The following HIP1 variants were observed in gnomAD, a reference collection of about 807,000 sequenced individuals.
HIP1 encodes the protein huntingtin interacting protein 1.
Under a neutral mutation model 147.6 loss-of-function variants are expected in HIP1, and 65 were observed. The observed-to-expected ratio is 0.44, with a 90% confidence interval of 0.36 to 0.54. The LOEUF (loss-of-function observed/expected upper bound fraction) is 0.54. HIP1 is among the 20% of genes least tolerant of loss of function. The pLI, the probability that HIP1 is intolerant of heterozygous loss-of-function variation, is 0.00. For synonymous variants in HIP1, 479 were observed against 504.0 expected (o/e 0.95, Z 0.67); for missense variants, 1,061 against 1,299.6 (o/e 0.82, Z 2.82).
At chr7:75,711,552 T>C (rs1240850289) in intron 1 of HIP1, among the ~76,000 whole-genome samples, 2 of 152,204 alleles carry the variant, frequency 1.3e-5, no homozygotes, top group Non-Finnish European at 2.9e-5. Context: ...ACTCCTAGGA[T>C]AGTCCTATTT....
At chr7:75,549,931 T>C (rs11765330) in intron 22 of HIP1, among the ~76,000 whole-genome samples, 133,903 of 151,880 alleles carry the variant, frequency 0.88, 59,733 homozygotes, top group Middle Eastern at 0.96. Flanking sequence ...CTGTCTTGGC[T>C]TCCCAATGTG....
chr7:75,685,780 C>G (rs1025350259), intron 1 of HIP1, among the ~76,000 whole-genome samples: 6 of 152,076 alleles, frequency 3.9e-5, no homozygotes, highest in Admixed American at 2.6e-4. Context: ...AACTCCTGAC[C>G]TCAGGTGATC....
chr7:75,591,936 T>C, intron 4 of HIP1, 120 bp downstream of exon 4: 9 of 838,766 alleles, frequency 1.1e-5, no homozygotes, highest in South Asian at 5.5e-5. Context: ...CTGGCACCCA[T>C]GGGAGAAATC....
rs782328912 is a variant in HIP1, at chr7:75,555,440, G to A, written c.1939C>T (p.Leu647Phe). ...DALNQLEEPP[L>F]ISCAGSADHL... ...CCTGCAGACCCAGCGCAGCTGATGA[G>A]AGGAGGTTCTTCAAGCTGGTTCAGG... Residue 647 changes from leucine (L) to phenylalanine (F), a missense_variant, in exon 19 of 31, where the codon CTC (leucine) becomes TTC (phenylalanine). Coordinates refer to ENST00000336926, the MANE Select transcript of HIP1 (RefSeq NM_005338.7). 1 of 1,613,850 alleles carries A rather than the reference G, an allele frequency of 6.2e-7. No homozygotes were observed. Among genetic ancestry groups the A allele is most frequent in the Non-Finnish European group, 8.5e-7 (1 of 1,180,054 alleles).
intron 6 of HIP1, 78 bp from the exon 7 acceptor site, chr7:75,581,376 C>A: frequency 9.8e-7 from 1 of 1,019,166 alleles, no homozygotes; most frequent in Non-Finnish European, 1.5e-6. Context: ...CCACGCTCTA[C>A]GCTACTCCAG....
chr7:75,690,765 G>A (rs1186902790), intron 1 of HIP1, among the ~76,000 whole-genome samples: 1 of 152,090 alleles, frequency 6.6e-6, no homozygotes, highest in Non-Finnish European at 1.5e-5. Context: ...GGAAGGCTGA[G>A]GCAGGAGAAT....
intron 1 of HIP1, among the ~76,000 whole-genome samples, chr7:75,693,919 CTTTTTT>C (rs10628011): frequency 1.7e-5 from 2 of 114,876 alleles, no homozygotes; most frequent in East Asian, 2.5e-4. Flanking sequence ...ATTCTCTTTT[CTTTTTT>C]TTTTTTTTTT....
At chr7:75,592,926 G>A (rs916927575) in intron 2 of HIP1, among the ~76,000 whole-genome samples, 2 of 152,144 alleles carry the variant, frequency 1.3e-5, no homozygotes, top group South Asian at 2.1e-4. Flanking sequence ...TCCTTTCTAC[G>A]AGAATGCTGA....
chr7:75,632,677 T>C (rs979762109), intron 1 of HIP1, among the ~76,000 whole-genome samples: 1 of 150,682 alleles, frequency 6.6e-6, no homozygotes, highest in Non-Finnish European at 1.5e-5. Context: ...GGATTACAGG[T>C]GTGAGCCACT....
intron 1 of HIP1, among the ~76,000 whole-genome samples, chr7:75,732,737 C>T (rs1160134970): frequency 6.6e-6 from 1 of 152,150 alleles, no homozygotes; most frequent in Non-Finnish European, 1.5e-5. Flanking sequence ...GTCTTTTCCT[C>T]TAATCCCAGA....
chr7:75,553,582 G>T lies in HIP1; in HGVS notation c.2166C>A (p.Thr722=). The T allele has an allele frequency of 6.2e-7, 1 of 1,613,726 alleles. No homozygotes were observed. Among genetic ancestry groups the T allele is most frequent in the Non-Finnish European group, 8.5e-7 (1 of 1,179,876 alleles). ...RAPPEPADSL[T]EACKQYGRET... is the part of the protein sequence containing the mutation. ...CCCTGCCATACTGCTTACAGGCCTC[G>T]GTCAGTGCTGGAGATACAAGGCAAT... Residue 722 remains threonine, a synonymous_variant, in exon 22 of 31, where the codon ACC becomes ACA. Coordinates refer to ENST00000336926, the MANE Select transcript of HIP1 (RefSeq NM_005338.7).
chr7:75,564,710 C>T (rs587754625), intron 9 of HIP1, among the ~76,000 whole-genome samples: 1 of 152,226 alleles, frequency 6.6e-6, no homozygotes, highest in South Asian at 2.1e-4. Flanking sequence ...ATCCTCTCAC[C>T]TCAGCCTCCA....
At chr7:75,620,548 T>A (rs1230558245) in intron 1 of HIP1, among the ~76,000 whole-genome samples, 1 of 151,164 alleles carries the variant, frequency 6.6e-6, no homozygotes, top group African/African-American at 2.4e-5. Flanking sequence ...TAGCCAGGGG[T>A]GGTGGTGCAT....
intron 1 of HIP1, among the ~76,000 whole-genome samples, chr7:75,653,465 C>A (rs779734528): frequency 6.6e-6 from 1 of 151,886 alleles, no homozygotes; most frequent in South Asian, 2.1e-4. Context: ...CCAGCCTGGG[C>A]AACATAGTGA....
At chr7:75,548,333 C>T (rs922053342) in intron 23 of HIP1, among the ~76,000 whole-genome samples, 2 of 151,804 alleles carry the variant, frequency 1.3e-5, no homozygotes, top group African/African-American at 4.8e-5. Flanking sequence ...GGCCAGAACC[C>T]AGGATGTTCT....
chr7:75,678,353 T>TC, intron 1 of HIP1, among the ~76,000 whole-genome samples: 2 of 98,364 alleles, frequency 2.0e-5, no homozygotes, highest in Non-Finnish European at 4.2e-5. Flanking sequence ...TTTTTTTTTT[T>TC]TTTTTTTTGA....
chr7:75,655,354 G>A (rs1349640182), intron 1 of HIP1, among the ~76,000 whole-genome samples: 2 of 152,140 alleles, frequency 1.3e-5, no homozygotes, highest in Admixed American at 6.6e-5. Flanking sequence ...CCAGGTGGGT[G>A]GATCACTTGA....
intron 1 of HIP1, among the ~76,000 whole-genome samples, chr7:75,715,087 G>A (rs1267577875): frequency 1.3e-5 from 2 of 152,078 alleles, no homozygotes; most frequent in African/African-American, 4.8e-5. Flanking sequence ...TATGCACATC[G>A]GGCAAGAAAA....
At chr7:75,659,993 G>T (rs1208421097) in intron 1 of HIP1, among the ~76,000 whole-genome samples, 1 of 151,872 alleles carries the variant, frequency 6.6e-6, no homozygotes, top group African/African-American at 2.4e-5. Context: ...GGGCATGGTG[G>T]TGCGCACCTG....
Sources: allele counts gnomAD v4.1 joint callset (sites outside exome capture counted in the v4.1 genomes callset), GRCh38; gene constraint gnomAD v4.1.1; transcripts MANE v1.5; gene names NCBI Gene and HGNC (gene_info 2026-07-23, HGNC 2026-07-21).